Variants in SGSH observed in about 807,000 individuals in gnomAD.
SGSH encodes the protein N-sulfoglucosamine sulfohydrolase.
A neutral mutation model predicts 51.0 loss-of-function variants in SGSH; 48 were observed. That is an observed-to-expected ratio of 0.94 (90% CI 0.75 to 1.20). The LOEUF (loss-of-function observed/expected upper bound fraction) is 1.20, where lower values mean the gene tolerates loss of function less well. Among genes scored for constraint, SGSH ranks in the 50% most tolerant of loss-of-function variants. SGSH has a pLI of 0.00. For missense variants in SGSH, 662 were observed against 717.8 expected, an observed-to-expected ratio of 0.92 and a Z score of 0.89; for synonymous variants, 321 against 313.4, an observed-to-expected ratio of 1.02 and a Z score of -0.26.
chr17:80,205,624 G>A (rs965855312), downstream of SGSH: 7 of 1,565,802 alleles, frequency 4.5e-6, no homozygotes, highest in East Asian at 2.3e-5. Flanking sequence ...TGGGTGACCC[G>A]CCATGCTGTG....
downstream of SGSH, chr17:80,204,382 G>C: frequency 6.0e-6 from 9 of 1,507,262 alleles, no homozygotes; most frequent in Non-Finnish European, 8.1e-6. Context: ...CTGGCTCCAA[G>C]TGGGTGAGGG....
rs1166342616 is a variant in SGSH at position 80,213,428 on chromosome 17, C to CA, written c.745+375dup. The CA allele has an allele frequency of 3.5e-6, 1 of 282,842 alleles. No homozygotes were observed. Among genetic ancestry groups the CA allele is most frequent in the Non-Finnish European group, 6.8e-6 (1 of 147,078 alleles). The allele number at this position is 282,842 out of a possible 1,614,324, so 17.5% of individuals were successfully genotyped here. ...TCTGGCCTCCTGAACTGTGGGAGTA[C>CA]AAATTTTGGTTGCTGTAAGCCATCA... is the stretch of plus-strand genomic sequence containing the variant. On this transcript the variant is annotated intron_variant, in intron 6 of 7. Transcript: ENST00000326317. This position sits in a 1 kb window ranked among gnomAD's most constrained non-coding sequence, Gnocchi z 4.6.
chr17:80,206,384 C>T (rs1185790597), downstream of SGSH, among the ~76,000 whole-genome samples: 10 of 152,104 alleles, frequency 6.6e-5, no homozygotes, highest in African/African-American at 1.9e-4. Context: ...GAGGCCTAGG[C>T]GGGAAGATTG....
At chr17:80,216,999 G>T (rs938256234) in intron 2 of SGSH, 33 bp downstream of exon 2, 1 of 1,524,470 alleles carries the variant, frequency 6.6e-7, no homozygotes, top group Non-Finnish European at 8.8e-7. Context: ...TCTACTCCCT[G>T]CCCACCCCCT....
At chr17:80,214,884 A>G (rs2041829650) in intron 3 of SGSH, 119 bp from the exon 4 acceptor site, 5 of 1,341,510 alleles carry the variant, frequency 3.7e-6, no homozygotes, top group Non-Finnish European at 5.2e-6. Context: ...CAGCCCAGCC[A>G]GGAGACCCAG....
At chr17:80,215,808 G>A (rs2041869590) in intron 2 of SGSH, among the ~76,000 whole-genome samples, 1 of 152,176 alleles carries the variant, frequency 6.6e-6, no homozygotes, top group Admixed American at 6.5e-5. Context: ...AACAGAGTGA[G>A]ACTAAAAGAA....
At chr17:80,215,613 G>T (rs1014810257) in intron 2 of SGSH, among the ~76,000 whole-genome samples, 3 of 152,176 alleles carry the variant, frequency 2.0e-5, no homozygotes, top group African/African-American at 7.2e-5. Context: ...GAGGTCAGGA[G>T]ATGGAGACCA....
chr17:80,204,103 C>T, downstream of SGSH: 1 of 984,268 alleles, frequency 1.0e-6, no homozygotes, highest in Non-Finnish European at 1.5e-6. Context: ...TCAGGCTGTT[C>T]TCAGAGCATC....
chr17:80,220,122 G>C, intron 1 of SGSH, 104 bp downstream of exon 1: 1 of 756,822 alleles, frequency 1.3e-6, no homozygotes, highest in Non-Finnish European at 2.1e-6. Context: ...GGATACAAGG[G>C]CAGGGCACAC....
chr17:80,206,224 G>C (rs1238594321), downstream of SGSH, among the ~76,000 whole-genome samples: 2 of 152,198 alleles, frequency 1.3e-5, no homozygotes. Flanking sequence ...CAGCACTTTG[G>C]GAACCCGAGG....
chr17:80,204,433 G>A, downstream of SGSH: 1 of 1,257,046 alleles, frequency 8.0e-7, no homozygotes, highest in Non-Finnish European at 1.1e-6. Flanking sequence ...GGGGCAGGGG[G>A]ATGCCACTCA....
At position 80,209,569 on chromosome 17, in the gene SGSH, C is replaced by CATCTTCGGACACTCTCAAAAAAGATA. The variant is rs2041543221; in HGVS notation, c.*882_*883insTATCTTTTTTGAGAGTGTCCGAAGAT. ...AAGCCAGAGGACGGGCATCGCCACC[C>CATCTTCGGACACTCTCAAAAAAGATA]AGCAACGCCAGTGTCACCGAAGAAT... On this transcript the variant is annotated 3_prime_UTR_variant, in exon 8 of 8. Transcript: ENST00000326317. 1 of 934,470 alleles carries CATCTTCGGACACTCTCAAAAAAGATA rather than the reference C, an allele frequency of 1.1e-6. No homozygotes were observed. The highest frequency in any genetic ancestry group is 1.8e-5 in the African/African-American group (1 of 54,110). 57.9% of individuals were successfully genotyped at this position (934,470 alleles called of 1,614,324 possible). A position where few individuals can be genotyped will look rare whatever the true frequency, so the allele number is the denominator to read the frequency against.
At chr17:80,202,279 G>T (rs764978860), downstream of SGSH, 2 of 1,613,926 alleles carry the variant, frequency 1.2e-6, no homozygotes, top group South Asian at 2.2e-5. Context: ...AGGGCCAAAG[G>T]GGAGCTGCAG....
rs2144833062 is a variant in SGSH, at chr17:80,220,290, G to A, written c.24C>T (p.Cys8=). 2 of 1,518,812 alleles carry A rather than the reference G, an allele frequency of 1.3e-6. No homozygotes were observed. Among genetic ancestry groups the A allele is most frequent in the Non-Finnish European group, 1.8e-6 (2 of 1,140,170 alleles). 94.1% of individuals were successfully genotyped at this position (1,518,812 alleles called of 1,614,324 possible). Residue 8 remains cysteine (C), a synonymous_variant, in exon 1 of 8, where the codon TGC becomes TGT. Transcript: ENST00000326317. MSCPVPA[C]CALLLVLGLC... ...GCCCCAGGACTAGCAGCAGCGCGCA[G>A]CAGGCGGGCACGGGGCAGCTCATGG...
At position 80,214,702 on chromosome 17, in the gene SGSH, T is replaced by C. The variant is rs2041820201; in HGVS notation, c.419A>G (p.Glu140Gly). Residue 140 changes from glutamate (E) to glycine (G), a missense_variant, in exon 4 of 8, where the codon GAG becomes GGG. Glu to Gly is a moderately conservative substitution (Grantham distance 98). Coordinates refer to ENST00000326317, the MANE Select transcript of SGSH (RefSeq NM_000199.5). ...TVYPFDFAYT[E>G]ENGSVLQVGR... Reference sequence around the variant, plus strand: ...CACCTGGAGGACGGAGCCATTCTCCTCCGTGTACGCAAAGTCAAACGGGTA... The same window carrying C: ...CACCTGGAGGACGGAGCCATTCTCCCCCGTGTACGCAAAGTCAAACGGGTA... 1 of 1,613,150 alleles carries C rather than the reference T, an allele frequency of 6.2e-7. No individual in the cohort carries two copies. Among genetic ancestry groups the C allele is most frequent in the African/African-American group, 1.3e-5 (1 of 74,922 alleles).
Position 80,210,149 on chromosome 17 carries a change from G to T in SGSH, c.*303C>A. ...ATGGGCTGGGGGCGCTGCCCTGTCC[G>T]CAGACCACGTATGTCTAGAATTCCC... On this transcript the variant is annotated 3_prime_UTR_variant, in exon 8 of 8. Coordinates refer to ENST00000326317, the MANE Select transcript of SGSH (RefSeq NM_000199.5). 7.7e-7 allele frequency: 1 copy of T among 1,300,096 alleles called. No individual in the cohort carries two copies. Among genetic ancestry groups the T allele is most frequent in the Non-Finnish European group, 9.8e-7 (1 of 1,017,674 alleles). 80.5% of individuals were successfully genotyped at this position (1,300,096 alleles called of 1,614,324 possible). A position where few individuals can be genotyped will look rare whatever the true frequency, so the allele number is the denominator to read the frequency against.
At chr17:80,219,967 A>C in intron 1 of SGSH, 1 of 392,108 alleles carries the variant, frequency 2.6e-6, no homozygotes. Flanking sequence ...GGGTCAGAGG[A>C]GGGTGGGACA....
In SGSH at chr17:80,213,868, G is replaced by A. The variant is rs2041774244; in HGVS notation, c.681C>T (p.Pro227=). The A allele has an allele frequency of 6.2e-7, 1 of 1,608,302 alleles. No individual in the cohort carries two copies. The highest frequency in any genetic ancestry group is 1.7e-5 in the Admixed American group (1 of 59,570). Residue 227 remains proline (P), a synonymous_variant, in exon 6 of 8, where the codon CCC becomes CCT. Transcript: ENST00000326317. The surrounding 1 kb of genome is among the most constrained non-coding windows in gnomAD (Gnocchi z 4.6). The stretch of plus-strand genomic sequence containing the variant: ...GGTCGGCTCGGGCTGCCGGGGTGTT[G>A]GGGACGAAGTAAGGCACCTGGGGCA... ...PLDVLVPYFV[P]NTPAARADLA...
At chr17:80,202,490 G>A (rs1319692546), downstream of SGSH, 23 of 1,562,798 alleles carry the variant, frequency 1.5e-5, no homozygotes, top group Middle Eastern at 2.1e-4. Context: ...AGCCTGCCTC[G>A]GCTTCCTCCT....
Sources: allele counts gnomAD v4.1 joint callset (sites outside exome capture counted in the v4.1 genomes callset), GRCh38; gene constraint gnomAD v4.1.1; non-coding constraint Gnocchi (gnomAD v3.1); transcripts MANE v1.5; gene names NCBI Gene and HGNC (gene_info 2026-07-23, HGNC 2026-07-21).